The following MYMX variants were observed in gnomAD, a reference collection of about 807,000 sequenced individuals.
MYMX encodes the protein myomixer, myoblast fusion factor, also known as protein myomixer.
chr6:44,216,262 C>T (rs1345538575), upstream of MYMX, among the ~76,000 whole-genome samples: 2 of 152,190 alleles, frequency 1.3e-5, no homozygotes, highest in African/African-American at 4.8e-5. Flanking sequence ...TGTCCTGTTC[C>T]AGTTACTCCT....
At chr6:44,208,246 C>CAA in the MYMX span, among the ~76,000 whole-genome samples, 3,738 of 123,156 alleles carry the variant, frequency 0.03, 95 homozygotes, top group African/African-American at 0.067. Context: ...GATCTTGTCT[C>CAA]AAAAAAAAAA....
the MYMX span, among the ~76,000 whole-genome samples, chr6:44,211,395 A>T: frequency 6.6e-6 from 1 of 152,118 alleles, no homozygotes; most frequent in Non-Finnish European, 1.5e-5. Flanking sequence ...GGGTAAAGGA[A>T]AATATTAATT....
chr6:44,199,838 C>G, the MYMX span, among the ~76,000 whole-genome samples: 1 of 152,028 alleles, frequency 6.6e-6, no homozygotes, highest in African/African-American at 2.4e-5. Flanking sequence ...AGTAAGCCAT[C>G]ATGTCTGGCT....
chr6:44,211,325 T>C, the MYMX span, among the ~76,000 whole-genome samples: 1 of 152,232 alleles, frequency 6.6e-6, no homozygotes, highest in East Asian at 1.9e-4. Flanking sequence ...ATGCAAAATA[T>C]ACAAGAAAAC....
At chr6:44,207,934 G>GA in the MYMX span, among the ~76,000 whole-genome samples, 3 of 151,198 alleles carry the variant, frequency 2.0e-5, no homozygotes, top group Admixed American at 6.6e-5. Context: ...TACTATTTGA[G>GA]AAAAAAAAAT....
upstream of MYMX, among the ~76,000 whole-genome samples, chr6:44,213,309 G>A (rs946127195): frequency 6.6e-6 from 1 of 151,752 alleles, no homozygotes; most frequent in African/African-American, 2.4e-5. Flanking sequence ...TCGCTTGAAC[G>A]CGGGAAGCAG....
At chr6:44,213,657 TGA>T (rs1775718219), upstream of MYMX, among the ~76,000 whole-genome samples, 2 of 152,158 alleles carry the variant, frequency 1.3e-5, no homozygotes, top group Non-Finnish European at 2.9e-5. Flanking sequence ...TGACCTCAGG[TGA>T]TCTGCCCGCC....
chr6:44,206,710 T>C, the MYMX span, among the ~76,000 whole-genome samples: 3 of 152,190 alleles, frequency 2.0e-5, no homozygotes, highest in Non-Finnish European at 4.4e-5. Flanking sequence ...TTTTGTGTCC[T>C]TTGTCATAAG....
chr6:44,207,779 C>G, the MYMX span, among the ~76,000 whole-genome samples: 4 of 152,086 alleles, frequency 2.6e-5, no homozygotes, highest in East Asian at 5.8e-4. Flanking sequence ...GATCCGCCCA[C>G]TTCAGCCTCC....
chr6:44,212,416 A>C (rs1224670423), upstream of MYMX, among the ~76,000 whole-genome samples: 2 of 149,862 alleles, frequency 1.3e-5, no homozygotes, highest in Non-Finnish European at 3.0e-5. Flanking sequence ...AAAAATAAAT[A>C]AATAAATAAA....
the MYMX span, among the ~76,000 whole-genome samples, chr6:44,203,151 C>T: frequency 9.2e-5 from 14 of 152,272 alleles, no homozygotes; most frequent in East Asian, 7.8e-4. Context: ...CAGGGCCTGC[C>T]GTTCCTCCCC....
the MYMX span, among the ~76,000 whole-genome samples, chr6:44,205,592 C>T: frequency 3.9e-5 from 6 of 152,040 alleles, no homozygotes; most frequent in South Asian, 2.1e-4. Flanking sequence ...GGGTGGATCA[C>T]GAGGTCAGGA....
the MYMX span, among the ~76,000 whole-genome samples, chr6:44,198,422 C>T: frequency 7.8e-3 from 1,187 of 152,222 alleles, 11 homozygotes; most frequent in African/African-American, 0.026. Context: ...GCCTCGGCCT[C>T]CCAAAGTGCT....
At chr6:44,200,862 G>C in the MYMX span, among the ~76,000 whole-genome samples, 1 of 152,130 alleles carries the variant, frequency 6.6e-6, no homozygotes, top group East Asian at 1.9e-4. Flanking sequence ...TGAGTGGGGG[G>C]TGGGGGGCAG....
chr6:44,200,144 G>C, the MYMX span, among the ~76,000 whole-genome samples: 1 of 151,552 alleles, frequency 6.6e-6, no homozygotes, highest in East Asian at 1.9e-4. Flanking sequence ...CTCCAGGCCT[G>C]GGAGACAGAG....
At chr6:44,207,742 G>A in the MYMX span, among the ~76,000 whole-genome samples, 2 of 151,816 alleles carry the variant, frequency 1.3e-5, no homozygotes, top group Non-Finnish European at 2.9e-5. Context: ...TGTTGGTCAG[G>A]CTGGTCTCGA....
At chr6:44,214,918 TG>T (rs1385383312), upstream of MYMX, among the ~76,000 whole-genome samples, 5 of 152,154 alleles carry the variant, frequency 3.3e-5, no homozygotes, top group African/African-American at 1.2e-4. Context: ...GCTTGGCATA[TG>T]TGTGTACCCA....
At chr6:44,201,016 C>A in the MYMX span, among the ~76,000 whole-genome samples, 2 of 152,202 alleles carry the variant, frequency 1.3e-5, no homozygotes, top group Admixed American at 1.3e-4. Context: ...TTTCAGGCAA[C>A]CTCCAACTCC....
upstream of MYMX, among the ~76,000 whole-genome samples, chr6:44,214,919 G>A (rs1420999222): frequency 6.6e-6 from 1 of 152,140 alleles, no homozygotes; most frequent in Non-Finnish European, 1.5e-5. Context: ...CTTGGCATAT[G>A]TGTGTACCCA....
Sources: allele counts gnomAD v4.1 joint callset (sites outside exome capture counted in the v4.1 genomes callset), GRCh38; gene constraint gnomAD v4.1.1; transcripts MANE v1.5; gene names NCBI Gene and HGNC (gene_info 2026-07-23, HGNC 2026-07-21).